QTMAN: variants seen among roughly 807,000 people sequenced by gnomAD.
QTMAN encodes the protein tRNA-queuosine alpha-mannosyltransferase.
chr2:144,174,428 T>C, the QTMAN span, among the ~76,000 whole-genome samples: 1 of 152,214 alleles, frequency 6.6e-6, no homozygotes, highest in African/African-American at 2.4e-5. Context: ...TCGAAAATCA[T>C]ATTTTCATAG....
chr2:144,276,016 G>C, the QTMAN span, among the ~76,000 whole-genome samples: 1 of 151,974 alleles, frequency 6.6e-6, no homozygotes, highest in Admixed American at 6.6e-5. Flanking sequence ...TTTTATTTAT[G>C]TCTATAGTGA....
At chr2:143,974,925 C>T in the QTMAN span, among the ~76,000 whole-genome samples, 9 of 152,252 alleles carry the variant, frequency 5.9e-5, no homozygotes, top group East Asian at 7.7e-4. Flanking sequence ...CAACTTAAGT[C>T]TTCACAAAAT....
the QTMAN span, among the ~76,000 whole-genome samples, chr2:144,248,342 T>G: frequency 6.6e-6 from 1 of 152,202 alleles, no homozygotes; most frequent in Non-Finnish European, 1.5e-5. Context: ...CATGAAAATA[T>G]GAATGGTAAT....
At chr2:143,973,756 T>C in the QTMAN span, among the ~76,000 whole-genome samples, 1 of 147,886 alleles carries the variant, frequency 6.8e-6, no homozygotes, top group East Asian at 2.0e-4. Flanking sequence ...GCCACTGCAC[T>C]CCAGCCTGGG....
the QTMAN span, among the ~76,000 whole-genome samples, chr2:144,260,921 T>G: frequency 6.6e-6 from 1 of 152,074 alleles, no homozygotes; most frequent in African/African-American, 2.4e-5. Context: ...TATTCCAACC[T>G]TTAAACTAAA....
the QTMAN span, among the ~76,000 whole-genome samples, chr2:144,055,326 GACACACAGACACACACACACACACAC>G: frequency 7.8e-6 from 1 of 128,064 alleles, no homozygotes; most frequent in Non-Finnish European, 1.7e-5. Context: ...CACACACACA[GACACACAGACACACACACACACACAC>G]ACACACACAC....
At chr2:144,033,616 G>C in the QTMAN span, among the ~76,000 whole-genome samples, 2 of 152,130 alleles carry the variant, frequency 1.3e-5, no homozygotes, top group African/African-American at 4.8e-5. Flanking sequence ...ATTGCTGACT[G>C]AACTCAATCT....
chr2:144,117,490 GA>G, the QTMAN span, among the ~76,000 whole-genome samples: 1 of 152,050 alleles, frequency 6.6e-6, no homozygotes, highest in Non-Finnish European at 1.5e-5. Context: ...TTCAGACTCC[GA>G]AATTAACACG....
the QTMAN span, among the ~76,000 whole-genome samples, chr2:144,279,577 CAA>C: frequency 6.6e-6 from 1 of 152,182 alleles, no homozygotes; most frequent in African/African-American, 2.4e-5. Flanking sequence ...TTAGGAATTC[CAA>C]TTCAGCAGGT....
At chr2:144,245,244 A>T in the QTMAN span, among the ~76,000 whole-genome samples, 1 of 152,240 alleles carries the variant, frequency 6.6e-6, no homozygotes. Context: ...TTTTCAAAAT[A>T]TGTGATATGT....
the QTMAN span, among the ~76,000 whole-genome samples, chr2:144,098,847 G>GAA: frequency 3.1e-4 from 42 of 134,334 alleles, no homozygotes; most frequent in Non-Finnish European, 2.9e-4. Context: ...ATTTCTCTTA[G>GAA]AAAAAAAAAA....
chr2:143,951,315 G>A, the QTMAN span, among the ~76,000 whole-genome samples: 1 of 151,506 alleles, frequency 6.6e-6, no homozygotes, highest in Non-Finnish European at 1.5e-5. Flanking sequence ...TTTTAGTAGG[G>A]CCTCTTTGTG....
At chr2:144,109,159 A>G in the QTMAN span, among the ~76,000 whole-genome samples, 1 of 152,242 alleles carries the variant, frequency 6.6e-6, no homozygotes, top group East Asian at 1.9e-4. Context: ...ACAAGGCTAC[A>G]GTAACCAAAA....
the QTMAN span, among the ~76,000 whole-genome samples, chr2:144,231,843 GGTGTGTGTGTGTGTGTGTGTGT>G: frequency 4.2e-4 from 58 of 138,450 alleles, no homozygotes; most frequent in East Asian, 6.4e-4. Flanking sequence ...GAATGAAAGA[GGTGTGTGTGTGTGTGTGTGTGT>G]GTGTGTGTGT....
chr2:144,110,919 C>T, the QTMAN span, among the ~76,000 whole-genome samples: 1 of 152,032 alleles, frequency 6.6e-6, no homozygotes, highest in Admixed American at 6.6e-5. Flanking sequence ...CCAGTGCACT[C>T]GCATTATTGT....
At chr2:144,022,560 CTTTTTTTTTTTT>C in the QTMAN span, among the ~76,000 whole-genome samples, 4 of 104,244 alleles carry the variant, frequency 3.8e-5, no homozygotes, top group Non-Finnish European at 7.4e-5. Context: ...CTCTCTCTCT[CTTTTTTTTTTTT>C]TTTTTTTTTT....
the QTMAN span, among the ~76,000 whole-genome samples, chr2:144,125,665 C>G: frequency 3.9e-5 from 6 of 152,132 alleles, no homozygotes; most frequent in African/African-American, 1.4e-4. Flanking sequence ...TAAAGACATA[C>G]AGTACAACTG....
the QTMAN span, among the ~76,000 whole-genome samples, chr2:144,231,464 T>A: frequency 8.4e-3 from 1,284 of 152,184 alleles, 29 homozygotes; most frequent in Non-Finnish European, 6.0e-3. Flanking sequence ...AATGATTAAG[T>A]TACTATATTA....
the QTMAN span, among the ~76,000 whole-genome samples, chr2:144,132,500 T>C: frequency 6.6e-6 from 1 of 152,098 alleles, no homozygotes; most frequent in Non-Finnish European, 1.5e-5. Context: ...TCATCATTCA[T>C]CACCCATGTG....
Sources: allele counts gnomAD v4.1 joint callset (sites outside exome capture counted in the v4.1 genomes callset), GRCh38; gene constraint gnomAD v4.1.1; transcripts MANE v1.5; gene names NCBI Gene and HGNC (gene_info 2026-07-23, HGNC 2026-07-21).